HS2ST1: variants seen among roughly 807,000 people sequenced by gnomAD.
The protein encoded by HS2ST1 is 2-O-sulfotransferase.
HS2ST1 carries 18 observed loss-of-function variants against 42.9 expected under a neutral mutation model. The observed-to-expected ratio is 0.42, with a 90% CI of 0.29 to 0.62. The LOEUF is 0.62. HS2ST1 is among the 20% of genes least tolerant of loss of function. HS2ST1 has a pLI of 0.21. For missense variants in HS2ST1, 334 were observed against 433.8 expected, an observed-to-expected ratio of 0.77 and a Z score of 2.04; for synonymous variants, 146 against 152.9, an observed-to-expected ratio of 0.95 and a Z score of 0.33.
intron 2 of HS2ST1, among the ~76,000 whole-genome samples, chr1:87,078,444 G>A (rs1343711216): frequency 2.6e-5 from 4 of 152,074 alleles, no homozygotes; most frequent in Admixed American, 6.6e-5. Flanking sequence ...CAAAAATCAC[G>A]GTTTACACTC....
intron 2 of HS2ST1, among the ~76,000 whole-genome samples, chr1:87,076,456 G>A (rs1651546970): frequency 6.6e-6 from 1 of 152,160 alleles, no homozygotes. Context: ...TAGGTGAAGA[G>A]TATAGAGATG....
intron 1 of HS2ST1, among the ~76,000 whole-genome samples, chr1:86,966,831 C>T (rs1648061531): frequency 6.6e-6 from 1 of 151,790 alleles, no homozygotes; most frequent in African/African-American, 2.4e-5. Context: ...CATTTTGACC[C>T]ATGATACAAA....
intron 1 of HS2ST1, among the ~76,000 whole-genome samples, chr1:86,986,481 G>C (rs959677935): frequency 3.9e-5 from 6 of 152,030 alleles, no homozygotes; most frequent in Non-Finnish European, 7.4e-5. Flanking sequence ...TGGAATTTGT[G>C]GATATATTAA....
intron 1 of HS2ST1, among the ~76,000 whole-genome samples, chr1:87,056,041 T>C (rs961108621): frequency 1.3e-5 from 2 of 152,118 alleles, no homozygotes; most frequent in South Asian, 2.1e-4. Context: ...AAAACTCATG[T>C]TGAGGCTTGG....
At chr1:86,965,021 ATGAC>A (rs757577580) in intron 1 of HS2ST1, among the ~76,000 whole-genome samples, 22 of 152,312 alleles carry the variant, frequency 1.4e-4, no homozygotes, top group Admixed American at 7.2e-4. Flanking sequence ...ATGTGTGTAA[ATGAC>A]TGATCTGCTA....
chr1:87,090,629 G>T (rs954334285), intron 3 of HS2ST1, among the ~76,000 whole-genome samples: 3 of 151,976 alleles, frequency 2.0e-5, no homozygotes, highest in Non-Finnish European at 4.4e-5. Context: ...AGCAGCCAAT[G>T]ACCTTTTAAT....
intron 1 of HS2ST1, among the ~76,000 whole-genome samples, chr1:86,977,993 C>A (rs2102217068): frequency 6.6e-6 from 1 of 152,290 alleles, no homozygotes; most frequent in Middle Eastern, 3.4e-3. Flanking sequence ...AAATTCCTAT[C>A]TCCTAATGAC....
intron 5 of HS2ST1, among the ~76,000 whole-genome samples, chr1:87,102,767 T>TATA (rs1652247447): frequency 6.6e-6 from 1 of 152,174 alleles, no homozygotes; most frequent in Non-Finnish European, 1.5e-5. Context: ...TTTTTTTTAA[T>TATA]AGTTTGAGAA....
intron 1 of HS2ST1, among the ~76,000 whole-genome samples, chr1:87,055,817 G>T (rs530104269): frequency 6.6e-6 from 1 of 152,238 alleles, no homozygotes; most frequent in East Asian, 1.9e-4. Flanking sequence ...TTCTCTAACA[G>T]CCCAAACCCT....
intron 1 of HS2ST1, among the ~76,000 whole-genome samples, chr1:86,921,154 T>C (rs1190157586): frequency 1.3e-5 from 2 of 152,236 alleles, no homozygotes; most frequent in African/African-American, 4.8e-5. Flanking sequence ...CTGTTGTTAT[T>C]GGCTGAAGTA....
At chr1:87,019,843 A>G (rs986710576) in intron 1 of HS2ST1, among the ~76,000 whole-genome samples, 4 of 152,244 alleles carry the variant, frequency 2.6e-5, no homozygotes, top group Non-Finnish European at 2.9e-5. Context: ...TAACTGAATA[A>G]TACTACAATT....
intron 1 of HS2ST1, among the ~76,000 whole-genome samples, chr1:87,071,085 A>G (rs937172983): frequency 8.5e-5 from 13 of 152,240 alleles, no homozygotes; most frequent in Non-Finnish European, 1.8e-4. Flanking sequence ...TTTGCATATA[A>G]ATATATAACA....
intron 1 of HS2ST1, among the ~76,000 whole-genome samples, chr1:87,017,352 G>A (rs528613089): frequency 3.3e-5 from 5 of 152,276 alleles, no homozygotes; most frequent in African/African-American, 9.6e-5. Flanking sequence ...GACCAGGCTG[G>A]TCTTGAACTC....
intron 1 of HS2ST1, among the ~76,000 whole-genome samples, chr1:86,937,303 G>A (rs1476375472): frequency 2.6e-5 from 4 of 152,040 alleles, no homozygotes; most frequent in Non-Finnish European, 5.9e-5. Context: ...CCCCTATTGA[G>A]AACCTAAATA....
intron 3 of HS2ST1, among the ~76,000 whole-genome samples, chr1:87,092,255 C>A (rs1388378514): frequency 2.0e-5 from 3 of 151,908 alleles, no homozygotes; most frequent in Admixed American, 2.0e-4. Flanking sequence ...TTATATAATT[C>A]TTGCTGGTAA....
intron 1 of HS2ST1, among the ~76,000 whole-genome samples, chr1:86,957,529 C>T (rs1186568111): frequency 6.6e-6 from 1 of 152,066 alleles, no homozygotes; most frequent in African/African-American, 2.4e-5. Flanking sequence ...TTTTTACTTC[C>T]TAATCCCCAG....
intron 2 of HS2ST1, among the ~76,000 whole-genome samples, chr1:87,080,430 AT>A (rs1411834208): frequency 1.3e-5 from 2 of 152,268 alleles, no homozygotes; most frequent in East Asian, 3.9e-4. Context: ...GATCTGAGGG[AT>A]TGCCTTAGTA....
Position 86,945,341 on chromosome 1 carries a change from G to A in HS2ST1, c.124+30181G>A, listed in dbSNP as rs555698010. Among the ~76,000 whole-genome samples, 15 of 152,246 alleles carry A rather than the reference G, an allele frequency of 9.9e-5. No homozygotes were observed. The East Asian group carries it at 1.2e-3, about 12-fold the overall frequency. ...AGATCATCGAAATGAGTTTCTGGTC[G>A]TTTAGTAATGTCTGTCATTTATTGA... is the stretch of plus-strand genomic sequence containing the variant. On this transcript the variant is annotated intron_variant, in intron 1 of 6. Coordinates refer to ENST00000370550, the MANE Select transcript of HS2ST1 (RefSeq NM_012262.4).
chr1:87,075,579 G>A (rs1050502815), intron 2 of HS2ST1, among the ~76,000 whole-genome samples: 10 of 152,168 alleles, frequency 6.6e-5, no homozygotes, highest in African/African-American at 1.7e-4. Context: ...TCCAGCTTCC[G>A]TGTAAAGCTC....
Sources: gnomAD v4.1 joint callset for allele counts (sites outside exome capture counted in the v4.1 genomes callset) on GRCh38, gnomAD v4.1.1 for gene constraint, MANE v1.5 for transcripts, NCBI Gene and HGNC (gene_info 2026-07-23, HGNC 2026-07-21) for gene names.